The following ANKRD36C variants were observed in gnomAD, a reference collection of about 807,000 sequenced individuals.
The protein encoded by ANKRD36C is ankyrin repeat domain-containing protein 36C.
In ANKRD36C, 61 loss-of-function variants were observed where a neutral mutation model predicts 276.4. The ratio of observed to expected loss-of-function variants is 0.22; its 90% CI spans 0.18 to 0.27. The LOEUF (loss-of-function observed/expected upper bound fraction) is 0.27, where lower values mean the gene tolerates loss of function less well. Among genes scored for constraint, ANKRD36C ranks in the 10% least tolerant of loss-of-function variants. The pLI, the probability that ANKRD36C is intolerant of heterozygous loss-of-function variation, is 1.00. For synonymous variants in ANKRD36C, 483 were observed against 680.1 expected (o/e 0.71, Z 4.51); for missense variants, 1,447 against 2,032.3 (o/e 0.71, Z 5.54).
At chr2:95,921,652 A>C (rs1350622425) in exon 34 of ANKRD36C, 9 of 1,609,024 alleles carry the variant, frequency 5.6e-6, no homozygotes, top group Non-Finnish European at 7.6e-6. Context: ...GCTATATTCG[A>C]AACAGAATCT....
At chr2:95,928,081 T>C (rs1275766440) in intron 26 of ANKRD36C, among the ~76,000 whole-genome samples, 1 of 151,642 alleles carries the variant, frequency 6.6e-6, no homozygotes, top group Non-Finnish European at 1.5e-5. Context: ...TTAGCCTCAA[T>C]AAAAATATCA....
intron 16 of ANKRD36C, among the ~76,000 whole-genome samples, chr2:95,949,423 A>G (rs1678138137): frequency 1.3e-5 from 2 of 149,984 alleles, no homozygotes; most frequent in Non-Finnish European, 3.0e-5. Flanking sequence ...CTATCTAAAT[A>G]TCTTCCTTCC....
rs1231515823 is a variant in ANKRD36C, at chr2:95,910,627, C to T, written c.2653+1617G>A. The T allele has an allele frequency of 4.0e-5, 64 of 1,599,594 alleles. 1 individual carries two copies. Among genetic ancestry groups the T allele is most frequent in the Non-Finnish European group, 5.3e-5 (62 of 1,175,214 alleles). ...TGTAAATATGACAAAGATATCCATACATTCATGCAGCGTTAGCATCAAACT... is the reference window on the plus strand; with the variant it reads ...TGTAAATATGACAAAGATATCCATATATTCATGCAGCGTTAGCATCAAACT... On this transcript the variant is annotated intron_variant, in intron 42 of 66. Coordinates refer to ENST00000456556, the Ensembl canonical transcript of ANKRD36C.
chr2:95,879,310 G>A (rs1676023206), intron 58 of ANKRD36C, among the ~76,000 whole-genome samples: 1 of 152,138 alleles, frequency 6.6e-6, no homozygotes, highest in African/African-American at 2.4e-5. Context: ...GGAAGGGTGT[G>A]GGGGTGGTAG....
intron 24 of ANKRD36C, among the ~76,000 whole-genome samples, chr2:95,934,301 C>CATCTAT (rs1677653343): frequency 6.6e-6 from 1 of 151,978 alleles, no homozygotes. Context: ...GACACATGCA[C>CATCTAT]ATCTATGTCT....
intron 60 of ANKRD36C, among the ~76,000 whole-genome samples, chr2:95,866,939 G>C (rs1675693810): frequency 6.6e-6 from 1 of 152,306 alleles, no homozygotes; most frequent in East Asian, 1.9e-4. Context: ...CTGTGACACA[G>C]AGAAGGGTAT....
chr2:95,913,064 A>G (rs1676982950), intron 40 of ANKRD36C, among the ~76,000 whole-genome samples: 2 of 149,766 alleles, frequency 1.3e-5, no homozygotes, highest in African/African-American at 2.5e-5. Flanking sequence ...CCACTAGTTT[A>G]GGCTTCCGAA....
intron 6 of ANKRD36C, among the ~76,000 whole-genome samples, chr2:95,967,840 C>T (rs1403857068): frequency 6.6e-6 from 1 of 152,036 alleles, no homozygotes; most frequent in East Asian, 1.9e-4. Context: ...GTGATCTCAG[C>T]ATTTTGGGAG....
intron 46 of ANKRD36C, 56 bp downstream of exon 66, chr2:95,891,609 G>T: frequency 6.6e-7 from 1 of 1,521,282 alleles, no homozygotes; most frequent in South Asian, 1.2e-5. Context: ...ATTCAGGGAA[G>T]AGAATTTCTT....
intron 38 of ANKRD36C, among the ~76,000 whole-genome samples, chr2:95,915,421 A>G (rs1677062917): frequency 6.6e-6 from 1 of 151,500 alleles, no homozygotes; most frequent in Admixed American, 6.6e-5. Flanking sequence ...TGTTTATGGA[A>G]ATGTTCCAAA....
In ANKRD36C at chr2:95,853,590, A is replaced by G. The variant is rs1675340897; in HGVS notation, c.5148+119T>C. On this transcript the variant is annotated intron_variant, in intron 64 of 66. Coordinates refer to ENST00000456556, the Ensembl canonical transcript of ANKRD36C. Reference sequence around the variant, plus strand: ...CCATCCACTATAAAATTTTAATAACATTAATTATCATAAAAATACAAAAGA... The same window carrying G: ...CCATCCACTATAAAATTTTAATAACGTTAATTATCATAAAAATACAAAAGA... 2.0e-5 allele frequency: 21 copies of G among 1,041,532 alleles called. No individual in the cohort carries two copies. In the South Asian group the frequency reaches 3.4e-4, roughly 17 times the overall value. 64.5% of individuals were successfully genotyped at this position (1,041,532 alleles called of 1,614,324 possible).
intron 50 of ANKRD36C, among the ~76,000 whole-genome samples, chr2:95,886,917 AT>A (rs1676215589): frequency 6.6e-6 from 1 of 151,758 alleles, no homozygotes; most frequent in South Asian, 2.1e-4. Flanking sequence ...AGTATAATAT[AT>A]AACCTCAATA....
chr2:95,886,787 C>T (rs1176263792), intron 50 of ANKRD36C, among the ~76,000 whole-genome samples: 2 of 151,584 alleles, frequency 1.3e-5, no homozygotes, highest in African/African-American at 2.4e-5. Context: ...ATGTATGTTT[C>T]CTGAATCCAA....
rs573608158 is a variant in ANKRD36C at position 95,903,360 on chromosome 2, G to A, written c.2654-4024C>T. On this transcript the variant is annotated intron_variant, in intron 42 of 66. Coordinates refer to ENST00000456556, the Ensembl canonical transcript of ANKRD36C. The stretch of plus-strand genomic sequence containing the variant: ...ATGTCAATATCAACGTGGATATGCC[G>A]AGTGATGAGGACAAAGTGATATAAA... 6.6e-5 allele frequency among the ~76,000 whole-genome samples: 10 copies of A among 150,564 alleles called. No homozygotes were observed. The South Asian group carries it at 1.5e-3, about 22-fold the overall frequency.
chr2:95,958,620 T>C (rs1474882294), exon 12 of ANKRD36C: 1 of 1,546,300 alleles, frequency 6.5e-7, no homozygotes, highest in Admixed American at 2.0e-5. Context: ...ATCTTTTATT[T>C]CTGTGGCTGT....
At chr2:95,892,118 C>G (rs1676384018) in intron 44 of ANKRD36C, among the ~76,000 whole-genome samples, 1 of 151,480 alleles carries the variant, frequency 6.6e-6, no homozygotes, top group Non-Finnish European at 1.5e-5. Context: ...AAAACCGTGT[C>G]AATATCAACG....
chr2:95,861,142 A>G (rs1675568769), intron 60 of ANKRD36C, among the ~76,000 whole-genome samples: 2 of 152,056 alleles, frequency 1.3e-5, no homozygotes, highest in African/African-American at 4.8e-5. Context: ...TTATAAGTAA[A>G]TCTCTGTACT....
At chr2:95,962,269 T>A in intron 8 of ANKRD36C, 83 bp downstream of exon 8, 1 of 1,424,514 alleles carries the variant, frequency 7.0e-7, no homozygotes, top group Non-Finnish European at 9.5e-7. Context: ...GCAGATTCAA[T>A]GAGCTCCCTG....
intron 42 of ANKRD36C, among the ~76,000 whole-genome samples, chr2:95,911,887 G>A (rs1360303502): frequency 6.6e-6 from 1 of 151,410 alleles, no homozygotes; most frequent in Non-Finnish European, 1.5e-5. Context: ...CCTGTTTTTA[G>A]CACTACGATG....
Sources: gnomAD v4.1 joint callset for allele counts (sites outside exome capture counted in the v4.1 genomes callset) on GRCh38, gnomAD v4.1.1 for gene constraint, MANE v1.5 for transcripts, NCBI Gene and HGNC (gene_info 2026-07-23, HGNC 2026-07-21) for gene names.